SMYD3: variants seen among roughly 807,000 people sequenced by gnomAD.
The protein encoded by SMYD3 is SET and MYND domain containing 3, also known as histone-lysine N-methyltransferase SMYD3.
SMYD3 carries 36 observed loss-of-function variants against 57.7 expected under a neutral mutation model. That is an observed-to-expected ratio of 0.62 (90% confidence interval 0.48 to 0.82). The LOEUF (loss-of-function observed/expected upper bound fraction) is 0.82, where lower values mean the gene tolerates loss of function less well. Ranked by LOEUF, SMYD3 falls within the 40% of genes least tolerant of loss-of-function variation. The pLI is 0.00. For missense variants in SMYD3, 515 were observed against 538.8 expected (o/e 0.96, Z 0.44); for synonymous variants, 211 against 195.0 (o/e 1.08, Z -0.68).
At chr1:246,288,989 C>T (rs1376373513) in intron 5 of SMYD3, among the ~76,000 whole-genome samples, 2 of 152,056 alleles carry the variant, frequency 1.3e-5, no homozygotes, top group African/African-American at 4.8e-5. Context: ...GTGGCGGGCA[C>T]CTGTAATCCC....
chr1:246,126,847 T>C (rs1331513899), intron 5 of SMYD3, among the ~76,000 whole-genome samples: 2 of 152,244 alleles, frequency 1.3e-5, no homozygotes, highest in African/African-American at 4.8e-5. Flanking sequence ...TAAAATGCAC[T>C]GAAAGCTATC....
At chr1:246,329,104 G>A (rs1277084485) in intron 4 of SMYD3, among the ~76,000 whole-genome samples, 1 of 152,128 alleles carries the variant, frequency 6.6e-6, no homozygotes, top group Non-Finnish European at 1.5e-5. Flanking sequence ...TGGACATTTG[G>A]CTTGGTTCCA....
chr1:246,348,059 G>GCAA (rs1553336522), intron 2 of SMYD3, among the ~76,000 whole-genome samples: 3 of 46,138 alleles, frequency 6.5e-5, no homozygotes, highest in African/African-American at 2.5e-4. Flanking sequence ...TAAAGAAAAC[G>GCAA]TTATATATAT....
At chr1:246,273,135 CTTTTTTT>C (rs71299006) in intron 5 of SMYD3, among the ~76,000 whole-genome samples, 5 of 107,604 alleles carry the variant, frequency 4.6e-5, no homozygotes, top group African/African-American at 1.8e-4. Flanking sequence ...TCCCTGTTTT[CTTTTTTT>C]TTTTTTTTTT....
chr1:245,936,695 G>A (rs987637257), intron 5 of SMYD3, among the ~76,000 whole-genome samples: 2 of 152,134 alleles, frequency 1.3e-5, no homozygotes, highest in African/African-American at 4.8e-5. Context: ...AGAAGTTTGA[G>A]ACCAGCTTGG....
chr1:246,483,916 A>G (rs2068147237), intron 1 of SMYD3, among the ~76,000 whole-genome samples: 2 of 152,140 alleles, frequency 1.3e-5, no homozygotes, highest in African/African-American at 4.8e-5. Context: ...GCCACTCCCA[A>G]CTCCTTAGAT....
chr1:246,321,382 A>G (rs2065245559), intron 5 of SMYD3, among the ~76,000 whole-genome samples: 1 of 152,216 alleles, frequency 6.6e-6, no homozygotes, highest in African/African-American at 2.4e-5. Flanking sequence ...GAAATCTATG[A>G]AGTAGATATT....
At chr1:246,335,055 G>A (rs897676526) in intron 3 of SMYD3, among the ~76,000 whole-genome samples, 7 of 152,184 alleles carry the variant, frequency 4.6e-5, no homozygotes, top group Admixed American at 1.3e-4. Flanking sequence ...ATCCACCAGC[G>A]AAAAGATGAT....
chr1:246,027,868 G>T lies in SMYD3; in HGVS notation c.532-97931C>A, dbSNP rs1249086784. On this transcript the variant is annotated intron_variant, in intron 5 of 11. Transcript: ENST00000490107. The stretch of plus-strand genomic sequence containing the variant: ...GATTCTTCTGATGGATCTGGGGACA[G>T]TAAATTGAAAACCTTCTGGAAAGGA... 7.2e-5 allele frequency among the ~76,000 whole-genome samples: 11 copies of T among 152,292 alleles called. No individual in the cohort carries two copies. The East Asian group carries it at 1.7e-3, about 24-fold the overall frequency.
chr1:246,450,302 A>G (rs2067614037), intron 1 of SMYD3, among the ~76,000 whole-genome samples: 1 of 152,134 alleles, frequency 6.6e-6, no homozygotes, highest in African/African-American at 2.4e-5. Context: ...AAAAAAAAAA[A>G]ACTCATCAAC....
chr1:245,815,312 G>A (rs2048740625), intron 10 of SMYD3, among the ~76,000 whole-genome samples: 2 of 152,232 alleles, frequency 1.3e-5, no homozygotes, highest in African/African-American at 4.8e-5. Flanking sequence ...CAACACGAAG[G>A]AGTCCTTGCC....
intron 1 of SMYD3, among the ~76,000 whole-genome samples, chr1:246,478,388 G>C (rs139129758): frequency 0.055 from 7,914 of 144,190 alleles, 16 homozygotes; most frequent in African/African-American, 0.21. Context: ...TGGTACATAA[G>C]TGCTCATATA....
At position 246,466,086 on chromosome 1, in the gene SMYD3, G is replaced by T. The variant is rs553120455; in HGVS notation, c.164+40968C>A. 3.3e-5 allele frequency among the ~76,000 whole-genome samples: 5 copies of T among 152,272 alleles called. No individual in the cohort carries two copies. In the East Asian group the frequency reaches 9.7e-4, roughly 29 times the overall value. On this transcript the variant is annotated intron_variant, in intron 1 of 11. Transcript: ENST00000490107. Reference sequence around the variant, plus strand: ...TGCTCCTGGCCACTTATACACTGTTGGTGGGAATGTAAATTAGTTCAACCA... The same window carrying T: ...TGCTCCTGGCCACTTATACACTGTTTGTGGGAATGTAAATTAGTTCAACCA...
chr1:246,157,965 G>A (rs981312847), intron 5 of SMYD3, among the ~76,000 whole-genome samples: 7 of 152,190 alleles, frequency 4.6e-5, no homozygotes, highest in African/African-American at 1.7e-4. Context: ...TAATTAATGG[G>A]CTTATTCCCC....
At chr1:246,179,895 G>A (rs1419162280) in intron 5 of SMYD3, among the ~76,000 whole-genome samples, 2 of 152,092 alleles carry the variant, frequency 1.3e-5, no homozygotes, top group African/African-American at 4.8e-5. Flanking sequence ...CTGGTCTGGG[G>A]CCCATGTTCA....
At chr1:245,836,600 A>G (rs993134837) in intron 10 of SMYD3, among the ~76,000 whole-genome samples, 2 of 152,138 alleles carry the variant, frequency 1.3e-5, no homozygotes, top group Non-Finnish European at 2.9e-5. Context: ...GGACCGTCCT[A>G]AACATGTGAA....
intron 5 of SMYD3, among the ~76,000 whole-genome samples, chr1:246,186,302 A>C (rs2062639248): frequency 6.6e-6 from 1 of 152,192 alleles, no homozygotes; most frequent in Non-Finnish European, 1.5e-5. Flanking sequence ...GTGCAAAACT[A>C]GTCAATATGC....
intron 11 of SMYD3, among the ~76,000 whole-genome samples, chr1:245,763,230 A>G (rs186829566): frequency 1.4e-3 from 206 of 152,262 alleles, no homozygotes; most frequent in Admixed American, 3.8e-3. Flanking sequence ...TCCCTCAATA[A>G]TGAATACTTC....
At chr1:245,929,256 G>C (rs192182604) in intron 6 of SMYD3, among the ~76,000 whole-genome samples, 1 of 152,160 alleles carries the variant, frequency 6.6e-6, no homozygotes, top group Non-Finnish European at 1.5e-5. Context: ...AAGAAAAAAG[G>C]CTGAATTCTT....
Sources: gnomAD v4.1 joint callset for allele counts (sites outside exome capture counted in the v4.1 genomes callset) on GRCh38, gnomAD v4.1.1 for gene constraint, MANE v1.5 for transcripts, NCBI Gene and HGNC (gene_info 2026-07-23, HGNC 2026-07-21) for gene names.